RPH3A: variants seen among roughly 807,000 people sequenced by gnomAD.
RPH3A encodes the protein rabphilin 3A.
RPH3A carries 48 observed loss-of-function variants against 102.2 expected under a neutral mutation model. The ratio of observed to expected loss-of-function variants is 0.47; its 90% confidence interval spans 0.37 to 0.60. The LOEUF is 0.60. Among genes scored for constraint, RPH3A ranks in the 20% least tolerant of loss-of-function variants. The pLI is 0.00. For missense variants in RPH3A, 781 were observed against 910.1 expected (o/e 0.86, Z 1.83); for synonymous variants, 310 against 324.3 (o/e 0.96, Z 0.47).
chr12:112,870,978 G>A (rs747772877), intron 10 of RPH3A, among the ~76,000 whole-genome samples: 3 of 152,128 alleles, frequency 2.0e-5, no homozygotes, highest in Non-Finnish European at 2.9e-5. Context: ...CAAAATCCAC[G>A]TATGAGACTT....
At chr12:112,683,215 A>G (rs2040239263) in intron 1 of RPH3A, among the ~76,000 whole-genome samples, 1 of 152,160 alleles carries the variant, frequency 6.6e-6, no homozygotes, top group Non-Finnish European at 1.5e-5. Flanking sequence ...TTGGGAGAGT[A>G]TTTAATGACC....
At position 112,828,298 on chromosome 12, in the gene RPH3A, C is replaced by T. The variant is rs1236453288; in HGVS notation, c.-18-3C>T. 3 of 1,605,034 alleles carry T rather than the reference C, an allele frequency of 1.9e-6. No homozygotes were observed. The highest frequency in any genetic ancestry group is 4.5e-5 in the East Asian group (2 of 44,554). ...ATGTCCTCTCTGGATTGATGTTTTC[C>T]AGGAGCACTAGACATCTACTATGAC... On this transcript the variant is annotated splice_polypyrimidine_tract_variant and splice_region_variant and intron_variant, in intron 2 of 21. Transcript: ENST00000389385.
At position 112,819,703 on chromosome 12, in the gene RPH3A, C is replaced by T. The variant is rs377722681; in HGVS notation, c.-18-8598C>T. Among the ~76,000 whole-genome samples the T allele has an allele frequency of 5.3e-5, 8 of 152,312 alleles. No homozygotes were observed. In the East Asian group the frequency reaches 1.5e-3, roughly 29 times the overall value. On this transcript the variant is annotated intron_variant, in intron 2 of 21. Transcript: ENST00000389385. ...TTGGATGATCTTGGCTGGGCTTGTT[C>T]GTGTGTCTGTGGTCATCCTGTATTT... is the stretch of plus-strand genomic sequence containing the variant.
chr12:112,751,583 G>C (rs943149329), intron 1 of RPH3A, among the ~76,000 whole-genome samples: 13 of 152,118 alleles, frequency 8.5e-5, no homozygotes, highest in African/African-American at 3.1e-4. Context: ...AGGATCAGAA[G>C]CCTTAAGACT....
chr12:112,854,124 G>T (rs945141618), intron 5 of RPH3A, among the ~76,000 whole-genome samples: 1 of 152,102 alleles, frequency 6.6e-6, no homozygotes, highest in African/African-American at 2.4e-5. Flanking sequence ...GGGCTGTTTT[G>T]TACATTGTCA....
At chr12:112,726,778 T>G (rs2040593807) in intron 1 of RPH3A, among the ~76,000 whole-genome samples, 1 of 152,166 alleles carries the variant, frequency 6.6e-6, no homozygotes, top group South Asian at 2.1e-4. Context: ...ATCCTAGCAC[T>G]TTGGGAGGCT....
At chr12:112,645,637 C>T (rs184088280) in intron 1 of RPH3A, among the ~76,000 whole-genome samples, 1 of 152,292 alleles carries the variant, frequency 6.6e-6, no homozygotes, top group East Asian at 1.9e-4. Flanking sequence ...TCTTTCTACT[C>T]CATCTGGAGC....
intron 3 of RPH3A, among the ~76,000 whole-genome samples, chr12:112,829,180 C>T (rs1434791532): frequency 2.0e-5 from 3 of 152,082 alleles, no homozygotes; most frequent in Admixed American, 6.6e-5. Context: ...AGTTTAAATT[C>T]TGGGTAGGAC....
At chr12:112,850,799 A>G (rs998640884) in intron 5 of RPH3A, 2 of 152,256 alleles carry the variant, frequency 1.3e-5, no homozygotes, top group African/African-American at 2.4e-5. Context: ...CCACTGCAGA[A>G]CATGAGGATC....
chr12:112,724,150 C>T (rs7295654), intron 1 of RPH3A, among the ~76,000 whole-genome samples: 21,995 of 150,600 alleles, frequency 0.15, 1,634 homozygotes, highest in South Asian at 0.2. Context: ...TCATCCTCGC[C>T]GGCTCAAGTG....
intron 20 of RPH3A, among the ~76,000 whole-genome samples, chr12:112,895,024 T>C (rs771662305): frequency 3.3e-5 from 5 of 152,186 alleles, no homozygotes; most frequent in Non-Finnish European, 5.9e-5. Flanking sequence ...AAATGAATTT[T>C]GTAATTAGGC....
chr12:112,618,467 C>G (rs1350073186), intron 1 of RPH3A, among the ~76,000 whole-genome samples: 1 of 152,190 alleles, frequency 6.6e-6, no homozygotes, highest in Non-Finnish European at 1.5e-5. Context: ...GGGATCATAT[C>G]TTGCTAGTTG....
At chr12:112,708,154 G>A (rs1482783630) in intron 1 of RPH3A, among the ~76,000 whole-genome samples, 3 of 152,218 alleles carry the variant, frequency 2.0e-5, no homozygotes, top group African/African-American at 7.2e-5. Context: ...GAACAATGAG[G>A]AAGTTCATGG....
intron 1 of RPH3A, among the ~76,000 whole-genome samples, chr12:112,635,963 T>C (rs2039846092): frequency 6.6e-6 from 1 of 152,162 alleles, no homozygotes; most frequent in Non-Finnish European, 1.5e-5. Context: ...CCTAGGTTGT[T>C]ATGTCCCAGG....
At chr12:112,878,697 G>T (rs575345823) in intron 13 of RPH3A, among the ~76,000 whole-genome samples, 1 of 152,216 alleles carries the variant, frequency 6.6e-6, no homozygotes, top group African/African-American at 2.4e-5. Context: ...TAACGAGAAG[G>T]TGCCAACCAT....
chr12:112,870,904 A>T (rs2042697773), intron 10 of RPH3A, among the ~76,000 whole-genome samples: 1 of 152,192 alleles, frequency 6.6e-6, no homozygotes, highest in African/African-American at 2.4e-5. Flanking sequence ...AGTGTTTACT[A>T]TGTGCCAAAT....
chr12:112,656,799 A>G (rs1257296452), intron 1 of RPH3A, among the ~76,000 whole-genome samples: 1 of 151,878 alleles, frequency 6.6e-6, no homozygotes, highest in East Asian at 1.9e-4. Context: ...GTGTGTGTAT[A>G]TATATATACA....
At chr12:112,877,795 C>T (rs2042834433) in intron 13 of RPH3A, among the ~76,000 whole-genome samples, 1 of 152,160 alleles carries the variant, frequency 6.6e-6, no homozygotes, top group African/African-American at 2.4e-5. Flanking sequence ...TGCTAAACAC[C>T]CACGAGGAAT....
rs1206116485 is a variant in RPH3A, at chr12:112,883,372, C to T, written c.1406C>T (p.Thr469Ile). Residue 469 changes from threonine (T) to isoleucine (I), a missense_variant, in exon 16 of 22, where the codon ACC becomes ATC. This residue lies in a region of RPH3A where 730 missense variants were observed against 810.0 expected (regional missense o/e 0.90). Transcript: ENST00000389385. ...WNETLVYHGI[T>I]DEDMQRKTLR... Reference sequence around the variant, plus strand: ...GAGACCCTCGTGTATCACGGCATCACCGATGAGGACATGCAAAGGAAGACC... The same window carrying T: ...GAGACCCTCGTGTATCACGGCATCATCGATGAGGACATGCAAAGGAAGACC... 1.9e-6 allele frequency: 3 copies of T among 1,613,928 alleles called. No individual in the cohort carries two copies. Among genetic ancestry groups the T allele is most frequent in the Non-Finnish European group, 8.5e-7 (1 of 1,179,966 alleles).
Sources: gnomAD v4.1 joint callset for allele counts (sites outside exome capture counted in the v4.1 genomes callset) on GRCh38, gnomAD v4.1.1 for gene constraint, gnomAD v4.1.1 regional missense constraint, MANE v1.5 for transcripts, NCBI Gene and HGNC (gene_info 2026-07-23, HGNC 2026-07-21) for gene names.